Variants in KCNH7 observed in about 807,000 individuals in gnomAD.
The protein encoded by KCNH7 is potassium voltage-gated channel subfamily H member 7.
In KCNH7, 49 loss-of-function variants were observed where a neutral mutation model predicts 120.8. The ratio of observed to expected loss-of-function variants is 0.41; its 90% confidence interval spans 0.32 to 0.51. The LOEUF is 0.51. Ranked by LOEUF, KCNH7 falls within the 20% of genes least tolerant of loss-of-function variation. The pLI, the probability that KCNH7 is intolerant of heterozygous loss-of-function variation, is 0.38. For synonymous variants in KCNH7, 547 were observed against 516.1 expected, an observed-to-expected ratio of 1.06 and a Z score of -0.81; for missense variants, 1,097 against 1,446.6, an observed-to-expected ratio of 0.76 and a Z score of 3.92.
rs564250984 is a variant in KCNH7 at position 162,594,937 on chromosome 2, C to A, written c.308-57857G>T. ...ATATTCAACAATATAGTAAAAAGATCATTCACCATGATCAAGTGGGATTTA... is the reference window on the plus strand; with the variant it reads ...ATATTCAACAATATAGTAAAAAGATAATTCACCATGATCAAGTGGGATTTA... On this transcript the variant is annotated intron_variant, in intron 2 of 15. Coordinates refer to ENST00000332142, the MANE Select transcript of KCNH7 (RefSeq NM_033272.4). Among the ~76,000 whole-genome samples the A allele has an allele frequency of 7.9e-5, 12 of 152,082 alleles. No homozygotes were observed. The East Asian group carries it at 2.1e-3, about 27-fold the overall frequency.
At chr2:162,614,628 G>C (rs1683078385) in intron 2 of KCNH7, among the ~76,000 whole-genome samples, 1 of 150,582 alleles carries the variant, frequency 6.6e-6, no homozygotes, top group Non-Finnish European at 1.5e-5. Context: ...TCGATTTTCA[G>C]AATACATGTC....
intron 2 of KCNH7, among the ~76,000 whole-genome samples, chr2:162,806,248 AAAAAT>A (rs1482939201): frequency 5.3e-5 from 8 of 152,220 alleles, no homozygotes; most frequent in Admixed American, 2.0e-4. Context: ...TTAAAAATTG[AAAAAT>A]AAAATAAAAT....
intron 2 of KCNH7, among the ~76,000 whole-genome samples, chr2:162,752,964 A>AAAAG (rs1688637725): frequency 1.2e-4 from 14 of 115,326 alleles, no homozygotes; most frequent in Admixed American, 4.1e-4. Context: ...AAAAGAAAAG[A>AAAAG]AAAGAAAAGA....
rs77000763 is a variant in KCNH7 at position 162,667,236 on chromosome 2, T to G, written c.308-130156A>C. On this transcript the variant is annotated intron_variant, in intron 2 of 15. Coordinates refer to ENST00000332142, the MANE Select transcript of KCNH7 (RefSeq NM_033272.4). ...GGGTCTCACTACTTTGCCTAGGCTA[T>G]TCTCAAACTCCTGGATTCCAGTGAT... is the stretch of plus-strand genomic sequence containing the variant. Among the ~76,000 whole-genome samples, 1,463 of 152,070 alleles carry G rather than the reference T, an allele frequency of 9.6e-3. 26 individuals are homozygous for G. The highest frequency in any genetic ancestry group is 0.034 in the African/African-American group (1,393 of 41,484).
intron 6 of KCNH7, among the ~76,000 whole-genome samples, chr2:162,484,542 T>C (rs1486764050): frequency 2.6e-5 from 4 of 152,294 alleles, no homozygotes; most frequent in African/African-American, 9.6e-5. Context: ...TCCTAACTTA[T>C]TCATACAATG....
intron 2 of KCNH7, among the ~76,000 whole-genome samples, chr2:162,551,943 C>G (rs980216433): frequency 2.0e-5 from 3 of 152,100 alleles, no homozygotes; most frequent in African/African-American, 7.2e-5. Context: ...GGAAATGTAA[C>G]ATTTTTCTGT....
At chr2:162,389,631 C>T (rs896244046) in intron 12 of KCNH7, among the ~76,000 whole-genome samples, 1 of 152,002 alleles carries the variant, frequency 6.6e-6, no homozygotes, top group South Asian at 2.1e-4. Context: ...AAAAATATAC[C>T]AATAGGATTT....
chr2:162,747,966 C>T (rs1353711455), intron 2 of KCNH7, among the ~76,000 whole-genome samples: 1 of 152,120 alleles, frequency 6.6e-6, no homozygotes, highest in African/African-American at 2.4e-5. Context: ...TTGGCAGCCC[C>T]TTTATGGTTT....
chr2:162,503,194 T>C (rs1012879125), intron 6 of KCNH7, among the ~76,000 whole-genome samples: 23 of 152,086 alleles, frequency 1.5e-4, no homozygotes, highest in Admixed American at 9.8e-4. Context: ...GATCCTAATA[T>C]TTCCAACTTT....
At chr2:162,716,926 G>A (rs1687143111) in intron 2 of KCNH7, among the ~76,000 whole-genome samples, 2 of 152,080 alleles carry the variant, frequency 1.3e-5, no homozygotes, top group South Asian at 4.1e-4. Flanking sequence ...TGTCTTTAGG[G>A]AACATTTAAT....
chr2:162,752,909 A>AAAAGAAAAGAAAAGAAAAG (rs1688617028), intron 2 of KCNH7, among the ~76,000 whole-genome samples: 2 of 43,132 alleles, frequency 4.6e-5, no homozygotes, highest in African/African-American at 1.2e-4. Context: ...TCAGAAAAAG[A>AAAAGAAAAGAAAAGAAAAG]AAAGAAAAGA....
intron 11 of KCNH7, among the ~76,000 whole-genome samples, chr2:162,395,696 TA>T (rs956943159): frequency 9.2e-5 from 14 of 151,628 alleles, no homozygotes; most frequent in South Asian, 6.2e-4. Context: ...CCACTTCAAT[TA>T]AAAAAAACTT....
At chr2:162,833,894 G>A (rs1685562229) in intron 2 of KCNH7, among the ~76,000 whole-genome samples, 2 of 152,072 alleles carry the variant, frequency 1.3e-5, no homozygotes. Flanking sequence ...TCAACTTTTT[G>A]TTAATTTGTT....
intron 3 of KCNH7, among the ~76,000 whole-genome samples, chr2:162,524,026 G>T (rs1281746636): frequency 2.6e-5 from 4 of 151,882 alleles, no homozygotes; most frequent in Admixed American, 1.3e-4. Flanking sequence ...TGTTGTAAAG[G>T]TCATAAGCAG....
At chr2:162,517,602 T>G in intron 4 of KCNH7, 128 bp downstream of exon 4, 1 of 807,812 alleles carries the variant, frequency 1.2e-6, no homozygotes. Flanking sequence ...GACTCAGGTT[T>G]TTAATAGCCT....
chr2:162,735,171 T>C (rs756357715), intron 2 of KCNH7, among the ~76,000 whole-genome samples: 2 of 152,200 alleles, frequency 1.3e-5, no homozygotes, highest in African/African-American at 2.4e-5. Flanking sequence ...AGAAATCTAA[T>C]ATGAGTGACT....
chr2:162,797,728 C>T (rs1265614594), intron 2 of KCNH7: 1 of 151,998 alleles, frequency 6.6e-6, no homozygotes, highest in East Asian at 1.9e-4. Context: ...CTGCATGGTG[C>T]CCTTAGGAGG....
At chr2:162,751,781 T>G (rs1688560213) in intron 2 of KCNH7, among the ~76,000 whole-genome samples, 1 of 151,842 alleles carries the variant, frequency 6.6e-6, no homozygotes, top group Non-Finnish European at 1.5e-5. Flanking sequence ...TTTTATATTC[T>G]AACTAAACAT....
chr2:162,493,435 T>G (rs1344248935), intron 6 of KCNH7, among the ~76,000 whole-genome samples: 1 of 152,228 alleles, frequency 6.6e-6, no homozygotes, highest in East Asian at 1.9e-4. Context: ...TTAAAGATTA[T>G]TGGTAAAATA....
Sources: allele counts gnomAD v4.1 joint callset (sites outside exome capture counted in the v4.1 genomes callset), GRCh38; gene constraint gnomAD v4.1.1; transcripts MANE v1.5; gene names NCBI Gene and HGNC (gene_info 2026-07-23, HGNC 2026-07-21).